Variants in PPM1E observed in about 807,000 individuals in gnomAD.
PPM1E encodes protein phosphatase 1E.
In PPM1E, 20 loss-of-function variants were observed where a neutral mutation model predicts 65.9. The observed-to-expected ratio is 0.30, with a 90% confidence interval of 0.21 to 0.44. The LOEUF is 0.44. Among genes scored for constraint, PPM1E ranks in the 20% least tolerant of loss-of-function variants. The probability of loss-of-function intolerance (pLI) is 1.00; values close to 1 mark genes in which losing one functional copy is unlikely to be tolerated. For synonymous variants in PPM1E, 352 were observed against 374.9 expected, an observed-to-expected ratio of 0.94 and a Z score of 0.70; for missense variants, 713 against 953.1, an observed-to-expected ratio of 0.75 and a Z score of 3.32.
chr17:58,782,555 C>T (rs1341782554), intron 1 of PPM1E, among the ~76,000 whole-genome samples: 2 of 151,510 alleles, frequency 1.3e-5, no homozygotes, highest in Admixed American at 1.3e-4. Context: ...GTGCGTGCCA[C>T]CACGCCTGGC....
chr17:58,770,173 C>T (rs1454860709), intron 1 of PPM1E, among the ~76,000 whole-genome samples: 3 of 152,066 alleles, frequency 2.0e-5, no homozygotes, highest in African/African-American at 4.8e-5. Flanking sequence ...ATTGCAAAAT[C>T]GTTATTCCTT....
intron 1 of PPM1E, among the ~76,000 whole-genome samples, chr17:58,797,393 C>A (rs2050216947): frequency 1.3e-5 from 2 of 152,154 alleles, no homozygotes; most frequent in Non-Finnish European, 2.9e-5. Flanking sequence ...CCATGCTGCC[C>A]AGAGGAACCA....
At chr17:58,968,126 A>G (rs2030375265) in intron 3 of PPM1E, among the ~76,000 whole-genome samples, 2 of 152,242 alleles carry the variant, frequency 1.3e-5, no homozygotes, top group Middle Eastern at 6.8e-3. Flanking sequence ...AGAGTTGTTT[A>G]ATCCGTCCTT....
At chr17:58,824,016 C>T (rs1369068594) in intron 1 of PPM1E, among the ~76,000 whole-genome samples, 1 of 152,126 alleles carries the variant, frequency 6.6e-6, no homozygotes, top group Non-Finnish European at 1.5e-5. Context: ...AGGTGTGAGG[C>T]ACCGTGCCCG....
chr17:58,946,787 A>G (rs973600831), intron 1 of PPM1E, among the ~76,000 whole-genome samples: 4 of 152,188 alleles, frequency 2.6e-5, no homozygotes, highest in Admixed American at 1.3e-4. Context: ...TTGTCTTTTC[A>G]CTTTACTGAT....
Position 58,824,745 on chromosome 17 carries a change from C to T in PPM1E, c.464+68284C>T, listed in dbSNP as rs569937540. Among the ~76,000 whole-genome samples the T allele has an allele frequency of 1.5e-4, 23 of 150,562 alleles. No individual in the cohort carries two copies. In the South Asian group the frequency reaches 1.9e-3, roughly 12 times the overall value. On this transcript the variant is annotated intron_variant, in intron 1 of 6. Coordinates refer to ENST00000308249, the MANE Select transcript of PPM1E (RefSeq NM_014906.5). ...CTGGGACTACAGGTGCCCGTCACCA[C>T]GCCTGGCTAATTTTTTGTATTTTTT...
At chr17:58,953,825 G>A (rs542890408) in intron 1 of PPM1E, among the ~76,000 whole-genome samples, 40 of 144,768 alleles carry the variant, frequency 2.8e-4, no homozygotes, top group Admixed American at 2.5e-3. Flanking sequence ...TCGGCTCACC[G>A]CAACCTCCGC....
At chr17:58,971,263 G>A (rs1011672974) in intron 4 of PPM1E, among the ~76,000 whole-genome samples, 7 of 152,134 alleles carry the variant, frequency 4.6e-5, no homozygotes, top group Non-Finnish European at 2.9e-5. Context: ...ATTGGTGGGT[G>A]AGGATTTATA....
At chr17:58,771,557 G>T (rs1187079925) in intron 1 of PPM1E, among the ~76,000 whole-genome samples, 1 of 151,494 alleles carries the variant, frequency 6.6e-6, no homozygotes, top group African/African-American at 2.4e-5. Flanking sequence ...CTGGGAGGTG[G>T]AGTTGCAGTG....
rs781198246 is a variant in PPM1E at position 58,980,584 on chromosome 17, G to C, written c.1821G>C (p.Met607Ile). 6.2e-7 allele frequency: 1 copy of C among 1,614,206 alleles called. No individual in the cohort carries two copies. Among genetic ancestry groups the C allele is most frequent in the Admixed American group, 1.7e-5 (1 of 60,034 alleles). Reference protein sequence around the residue: ...PKKANLINELMMEKKSVQSSL... With the variant: ...PKKANLINELIMEKKSVQSSL... The stretch of plus-strand genomic sequence containing the variant: ...AAGCAAATCTTATTAATGAGTTAAT[G>C]ATGGAGAAAAAATCAGTTCAGTCAT... The change falls in exon 7 of 7, where the codon ATG becomes ATC. Residue 607 changes from methionine to isoleucine, a missense_variant. Around this residue, in one of 6 missense-constraint regions of PPM1E, gnomAD observed 286 missense variants for 313.8 expected, o/e 0.91. Transcript: ENST00000308249. The surrounding 1 kb of genome is among the most constrained non-coding windows in gnomAD (Gnocchi z 4.7).
At chr17:58,816,784 ATATATATATATTTTTT>A (rs1217593836) in intron 1 of PPM1E, among the ~76,000 whole-genome samples, 12 of 8,092 alleles carry the variant, frequency 1.5e-3, no homozygotes, top group African/African-American at 4.3e-3. Flanking sequence ...ATATATATAT[ATATATATATATTTTTT>A]TTTTTTTTTT....
intron 1 of PPM1E, among the ~76,000 whole-genome samples, chr17:58,923,624 C>T (rs560730864): frequency 3.7e-4 from 56 of 151,216 alleles, no homozygotes; most frequent in Admixed American, 1.1e-3. Context: ...ATGTGCCTCC[C>T]GAGTACCAGC....
chr17:58,918,281 A>G (rs2051708322), intron 1 of PPM1E, among the ~76,000 whole-genome samples: 1 of 152,162 alleles, frequency 6.6e-6, no homozygotes, highest in African/African-American at 2.4e-5. Flanking sequence ...TTTAAGGCTT[A>G]TTTAAAAATA....
At chr17:58,879,801 G>A (rs2051172599) in intron 1 of PPM1E, among the ~76,000 whole-genome samples, 1 of 152,068 alleles carries the variant, frequency 6.6e-6, no homozygotes, top group African/African-American at 2.4e-5. Context: ...GAGCCACCGT[G>A]CCCGGCGAGA....
At chr17:58,894,000 A>G (rs1029772322) in intron 1 of PPM1E, among the ~76,000 whole-genome samples, 11 of 152,130 alleles carry the variant, frequency 7.2e-5, no homozygotes, top group African/African-American at 1.7e-4. Flanking sequence ...CTTGAGCTCA[A>G]GAGTTCAAGT....
intron 1 of PPM1E, among the ~76,000 whole-genome samples, chr17:58,803,958 T>G (rs1486373762): frequency 6.6e-6 from 1 of 152,232 alleles, no homozygotes; most frequent in Non-Finnish European, 1.5e-5. Context: ...AGGGACAGTC[T>G]TATTCTGTCA....
intron 1 of PPM1E, among the ~76,000 whole-genome samples, chr17:58,899,202 G>A (rs896702661): frequency 2.0e-5 from 3 of 151,718 alleles, no homozygotes; most frequent in South Asian, 2.1e-4. Context: ...AAAAATTAGC[G>A]AGGTGTCATG....
chr17:58,835,582 G>A (rs1327428567), intron 1 of PPM1E, among the ~76,000 whole-genome samples: 4 of 152,032 alleles, frequency 2.6e-5, no homozygotes, highest in Non-Finnish European at 5.9e-5. Context: ...CATTTAGGAG[G>A]TTGAGGTAGG....
intron 1 of PPM1E, among the ~76,000 whole-genome samples, chr17:58,776,360 A>G (rs1366072120): frequency 3.9e-5 from 6 of 152,222 alleles, no homozygotes; most frequent in Non-Finnish European, 8.8e-5. Context: ...ATTGACCCAA[A>G]TGAAAATCTA....
Sources: allele counts gnomAD v4.1 joint callset (sites outside exome capture counted in the v4.1 genomes callset), GRCh38; gene constraint gnomAD v4.1.1; regional missense constraint gnomAD v4.1.1; non-coding constraint Gnocchi (gnomAD v3.1); transcripts MANE v1.5; gene names NCBI Gene and HGNC (gene_info 2026-07-23, HGNC 2026-07-21).